Variants in AFF2 observed in about 807,000 individuals in gnomAD.
AFF2 encodes ALF transcription elongation factor 2.
In AFF2, 14 loss-of-function variants were observed where a neutral mutation model predicts 76.9. That is an observed-to-expected ratio of 0.18 (90% CI 0.12 to 0.28). AFF2 has a LOEUF of 0.28. Among genes scored for constraint, AFF2 ranks in the 10% least tolerant of loss-of-function variants. The pLI is 1.00. For synonymous variants in AFF2, 398 were observed against 366.7 expected (o/e 1.09, Z -0.98); for missense variants, 868 against 1,001.1 (o/e 0.87, Z 1.79).
At chrX:148,537,268 G>A (rs782752525) in intron 1 of AFF2, among the ~76,000 whole-genome samples, 3 of 112,556 alleles carry the variant, frequency 2.7e-5, no homozygotes, top group Non-Finnish European at 5.6e-5. Flanking sequence ...GTTTTAGACA[G>A]ACAGAGATGG....
At chrX:148,807,126 C>T (rs1331202627) in intron 3 of AFF2, among the ~76,000 whole-genome samples, 1 of 112,090 alleles carries the variant, frequency 8.9e-6, no homozygotes, top group African/African-American at 3.2e-5. Context: ...AATAGTCAGT[C>T]ATTATTAGAT....
intron 15 of AFF2, among the ~76,000 whole-genome samples, chrX:148,968,918 C>A (rs1252643096): frequency 8.9e-6 from 1 of 112,009 alleles, no homozygotes; most frequent in Non-Finnish European, 1.9e-5. Flanking sequence ...CCCTCAAAGA[C>A]CAAAGGTTTT....
chrX:148,934,333 G>A (rs988713433), intron 9 of AFF2, among the ~76,000 whole-genome samples: 4 of 111,922 alleles, frequency 3.6e-5, no homozygotes, highest in South Asian at 3.7e-4. Flanking sequence ...CTTTACTTCC[G>A]TGAATGCAGT....
chrX:148,675,922 A>G (rs1557259429), intron 3 of AFF2, among the ~76,000 whole-genome samples: 2 of 111,050 alleles, frequency 1.8e-5, no homozygotes, highest in African/African-American at 6.6e-5. Context: ...ATCCACATAT[A>G]TTATAATAAA....
In AFF2 at chrX:148,953,706, A is replaced by T; in HGVS notation, c.1524A>T (p.Glu508Asp). The change falls in exon 10 of 21, where the codon GAA becomes GAT. Residue 508 changes from glutamate to aspartate, a missense_variant. Glu to Asp is a conservative substitution (Grantham distance 45, BLOSUM62 2). Around this residue, in one of 6 missense-constraint regions of AFF2, gnomAD observed 532 missense variants for 564.2 expected, o/e 0.94. Coordinates refer to ENST00000370460, the MANE Select transcript of AFF2 (RefSeq NM_002025.4). The part of the protein sequence containing the change: ...SDTESSTTDS[E>D]SNEAPRVATP... ...CTGAAAGTAGCACCACTGACAGCGA[A>T]TCTAATGAGGCACCTCGTGTGGCAA... The T allele has an allele frequency of 1.7e-6, 2 of 1,210,630 alleles. No homozygotes were observed. Among genetic ancestry groups the T allele is most frequent in the Non-Finnish European group, 2.2e-6 (2 of 895,174 alleles).
At chrX:148,796,484 T>C (rs1225947629) in intron 3 of AFF2, among the ~76,000 whole-genome samples, 1 of 112,301 alleles carries the variant, frequency 8.9e-6, no homozygotes, top group African/African-American at 3.2e-5. Flanking sequence ...CTAGAAATAA[T>C]CTCCATTGGA....
chrX:148,604,361 G>A (rs2053654194), intron 1 of AFF2, among the ~76,000 whole-genome samples: 1 of 112,341 alleles, frequency 8.9e-6, no homozygotes, highest in African/African-American at 3.2e-5. Flanking sequence ...AAAACTAGAT[G>A]GTCACTTTCA....
intron 3 of AFF2, among the ~76,000 whole-genome samples, chrX:148,710,212 G>C (rs782213779): frequency 1.8e-5 from 2 of 111,808 alleles, no homozygotes; most frequent in South Asian, 7.4e-4. Flanking sequence ...TTGCATAACT[G>C]ACTTGGATTA....
chrX:148,623,930 G>T (rs1333261397), intron 1 of AFF2, among the ~76,000 whole-genome samples: 1 of 110,975 alleles, frequency 9.0e-6, no homozygotes, highest in Non-Finnish European at 1.9e-5. Flanking sequence ...CTACAGGGTT[G>T]GTAGAAGGTC....
intron 3 of AFF2, among the ~76,000 whole-genome samples, chrX:148,711,310 A>G (rs1557262890): frequency 2.7e-5 from 3 of 112,135 alleles, no homozygotes; most frequent in African/African-American, 9.7e-5. Flanking sequence ...TCTGATAAGA[A>G]TTGTTACAAG....
At chrX:148,978,544 C>T in intron 18 of AFF2, 89 bp downstream of exon 18, 1 of 666,985 alleles carries the variant, frequency 1.5e-6, no homozygotes, top group Non-Finnish European at 2.3e-6. Context: ...TCAAATGCTG[C>T]CAAAGGCTTA....
At chrX:148,961,283 G>A (rs782743492) in intron 12 of AFF2, among the ~76,000 whole-genome samples, 4 of 111,743 alleles carry the variant, frequency 3.6e-5, no homozygotes, top group Non-Finnish European at 5.6e-5. Flanking sequence ...ATTCCCAAAG[G>A]CCTGGTGCCT....
chrX:148,640,926 A>C (rs2054082359), intron 1 of AFF2, among the ~76,000 whole-genome samples: 1 of 111,622 alleles, frequency 9.0e-6, no homozygotes, highest in African/African-American at 3.3e-5. Flanking sequence ...TGTGTACTTG[A>C]ATTAGCTGAA....
In AFF2 at chrX:148,942,771, G is replaced by A. The variant is rs181547940; in HGVS notation, c.1398-10809G>A. On this transcript the variant is annotated intron_variant, in intron 9 of 20. Coordinates refer to ENST00000370460, the MANE Select transcript of AFF2 (RefSeq NM_002025.4). ...GCGGACGTTGCAGTGAGTCGTGATC[G>A]CGCCACTGCACTCCAGCCCAGGCGA... 4.1e-3 allele frequency among the ~76,000 whole-genome samples: 430 copies of A among 105,348 alleles called. 2 individuals carry two copies. The highest frequency in any genetic ancestry group is 0.014 in the African/African-American group (397 of 28,584). 91.5% of individuals were successfully genotyped at this position (105,348 alleles called of 115,157 possible). A position where few individuals can be genotyped will look rare whatever the true frequency, so the allele number is the denominator to read the frequency against.
At chrX:148,604,280 G>A (rs189918753) in intron 1 of AFF2, among the ~76,000 whole-genome samples, 1 of 112,531 alleles carries the variant, frequency 8.9e-6, no homozygotes, top group African/African-American at 3.2e-5. Context: ...TTTTTGTAAA[G>A]TACAAATAGT....
In AFF2 at chrX:148,829,248, G is replaced by A. The variant is rs782249011; in HGVS notation, c.1087-8399G>A. Among the ~76,000 whole-genome samples the A allele has an allele frequency of 1.7e-4, 19 of 112,223 alleles. No individual in the cohort carries two copies. The South Asian group carries it at 3.3e-3, about 20-fold the overall frequency. Reference sequence around the variant, plus strand: ...CCAAGAAGTTATGTTTAATGTAACCGTTGATTTTACACTTCCTCTCTATGA... The same window carrying A: ...CCAAGAAGTTATGTTTAATGTAACCATTGATTTTACACTTCCTCTCTATGA... On this transcript the variant is annotated intron_variant, in intron 4 of 20. Transcript: ENST00000370460.
chrX:148,894,588 G>A lies in AFF2; in HGVS notation c.1359+8603G>A, dbSNP rs193183795. On this transcript the variant is annotated intron_variant, in intron 8 of 20. Coordinates refer to ENST00000370460, the MANE Select transcript of AFF2 (RefSeq NM_002025.4). ...TTCACACAGCAAAAATTTCATAGGA[G>A]TCTTTGGAACATTTTACTAAAAATG... 3.1e-3 allele frequency among the ~76,000 whole-genome samples: 342 copies of A among 111,305 alleles called. 2 individuals carry two copies. Among genetic ancestry groups the A allele is most frequent in the African/African-American group, 0.011 (327 of 30,605 alleles).
intron 3 of AFF2, among the ~76,000 whole-genome samples, chrX:148,722,438 G>A (rs781948566): frequency 1.8e-5 from 2 of 109,492 alleles, no homozygotes; most frequent in Non-Finnish European, 3.8e-5. Flanking sequence ...ACTCAGGCTC[G>A]CAAGAACTCG....
At chrX:148,602,371 G>A (rs1399341947) in intron 1 of AFF2, among the ~76,000 whole-genome samples, 1 of 111,083 alleles carries the variant, frequency 9.0e-6, no homozygotes, top group Non-Finnish European at 1.9e-5. Context: ...GAGAATTTAA[G>A]TCAGACAGTG....
Sources: gnomAD v4.1 joint callset for allele counts (sites outside exome capture counted in the v4.1 genomes callset) on GRCh38, gnomAD v4.1.1 for gene constraint, gnomAD v4.1.1 regional missense constraint, MANE v1.5 for transcripts, NCBI Gene and HGNC (gene_info 2026-07-23, HGNC 2026-07-21) for gene names.